The following RNLS variants were observed in gnomAD, a reference collection of about 807,000 sequenced individuals.
RNLS encodes renalase, FAD dependent amine oxidase.
Under a neutral mutation model 39.8 loss-of-function variants are expected in RNLS, and 39 were observed. The observed-to-expected ratio is 0.98, with a 90% CI of 0.76 to 1.28. The LOEUF is 1.28. RNLS is among the 50% of genes most tolerant of loss of function. The pLI is 0.00. For synonymous variants in RNLS, 147 were observed against 150.7 expected, an observed-to-expected ratio of 0.98 and a Z score of 0.18; for missense variants, 410 against 413.3, an observed-to-expected ratio of 0.99 and a Z score of 0.07.
chr10:88,582,406 A>G, intron 1 of RNLS, 99 bp from the exon 2 acceptor site: 1 of 879,818 alleles, frequency 1.1e-6, no homozygotes, highest in South Asian at 1.8e-5. Context: ...TACTTCAAAA[A>G]TATCTTAAGA....
At chr10:88,486,573 A>G (rs974616972) in intron 4 of RNLS, among the ~76,000 whole-genome samples, 2 of 152,212 alleles carry the variant, frequency 1.3e-5, no homozygotes, top group East Asian at 3.8e-4. Context: ...ACTTTTCAAA[A>G]GAAGACATAT....
chr10:88,181,351 A>G, the RNLS span, among the ~76,000 whole-genome samples: 1 of 152,096 alleles, frequency 6.6e-6, no homozygotes, highest in Non-Finnish European at 1.5e-5. Flanking sequence ...CCGCTATGGA[A>G]TGCAGCTCCC....
the RNLS span, among the ~76,000 whole-genome samples, chr10:88,205,783 GC>G: frequency 1.3e-5 from 2 of 152,128 alleles, no homozygotes; most frequent in East Asian, 1.9e-4. Flanking sequence ...GGAGGGATAA[GC>G]CATCCCTCTG....
the RNLS span, chr10:88,258,996 A>AT: frequency 2.0e-5 from 3 of 152,250 alleles, no homozygotes; most frequent in Non-Finnish European, 4.4e-5. Context: ...TTTCCCTCAC[A>AT]TTCACTTTGT....
chr10:88,381,833 GT>G (rs1036959323), intron 4 of RNLS, among the ~76,000 whole-genome samples: 1 of 151,912 alleles, frequency 6.6e-6, no homozygotes, highest in East Asian at 1.9e-4. Flanking sequence ...CCCCTGTCTG[GT>G]TTTTTTATAT....
the RNLS span, among the ~76,000 whole-genome samples, chr10:88,196,012 C>T: frequency 6.6e-6 from 1 of 152,110 alleles, no homozygotes; most frequent in Admixed American, 6.6e-5. Flanking sequence ...GTTAGGATGG[C>T]GTCTGTGTTT....
intron 4 of RNLS, among the ~76,000 whole-genome samples, chr10:88,495,776 A>G (rs558236033): frequency 1.3e-5 from 2 of 152,162 alleles, no homozygotes; most frequent in Non-Finnish European, 2.9e-5. Context: ...GCAAAGCCCA[A>G]GTGACAAGGA....
chr10:88,545,590 CTCCCAT>C (rs1480682999), intron 4 of RNLS: 8 of 402,238 alleles, frequency 2.0e-5, no homozygotes, highest in African/African-American at 1.6e-4. Flanking sequence ...CACTGGGTCC[CTCCCAT>C]GACACGTGGG....
the RNLS span, among the ~76,000 whole-genome samples, chr10:88,250,572 G>A: frequency 1.3e-5 from 2 of 152,210 alleles, no homozygotes; most frequent in African/African-American, 4.8e-5. Context: ...CAGTGAGTGA[G>A]AATGTGGCTC....
chr10:88,236,858 C>T, the RNLS span, among the ~76,000 whole-genome samples: 1 of 152,078 alleles, frequency 6.6e-6, no homozygotes, highest in African/African-American at 2.4e-5. Flanking sequence ...GTGATAAGTA[C>T]AAGCATCGAG....
At chr10:88,349,751 C>G (rs1848546989) in intron 5 of RNLS, among the ~76,000 whole-genome samples, 1 of 151,352 alleles carries the variant, frequency 6.6e-6, no homozygotes, top group African/African-American at 2.4e-5. Context: ...TACATATATA[C>G]ATTGTGTATA....
At chr10:88,497,970 T>A (rs1208798879) in intron 4 of RNLS, among the ~76,000 whole-genome samples, 4 of 151,030 alleles carry the variant, frequency 2.6e-5, no homozygotes, top group African/African-American at 2.4e-5. Context: ...AAAGTCCTAG[T>A]CAAGAGCATA....
chr10:88,286,516 C>T (rs1843283203), intron 6 of RNLS, among the ~76,000 whole-genome samples: 1 of 151,924 alleles, frequency 6.6e-6, no homozygotes, highest in African/African-American at 2.4e-5. Flanking sequence ...ACCAAAAACC[C>T]TCTAAAAAAC....
chr10:88,313,990 C>A (rs1183081754), intron 6 of RNLS, among the ~76,000 whole-genome samples: 1 of 152,158 alleles, frequency 6.6e-6, no homozygotes, highest in African/African-American at 2.4e-5. Flanking sequence ...CTCTCTCCCC[C>A]AGAGAGCTCA....
At chr10:88,257,282 C>A in the RNLS span, among the ~76,000 whole-genome samples, 5 of 152,152 alleles carry the variant, frequency 3.3e-5, no homozygotes, top group African/African-American at 7.2e-5. Flanking sequence ...GATTGTAAAA[C>A]AATTTTAGGA....
chr10:88,278,023 A>G (rs965439933), intron 6 of RNLS, among the ~76,000 whole-genome samples: 2 of 152,212 alleles, frequency 1.3e-5, no homozygotes, highest in Admixed American at 6.6e-5. Context: ...TGTTTCAACT[A>G]TTAACATTTC....
At chr10:88,239,890 G>A in the RNLS span, among the ~76,000 whole-genome samples, 9 of 152,224 alleles carry the variant, frequency 5.9e-5, no homozygotes, top group African/African-American at 2.2e-4. Context: ...AATTCTGGTA[G>A]CTGCTAGCTG....
intron 4 of RNLS, among the ~76,000 whole-genome samples, chr10:88,501,540 T>C (rs935298118): frequency 3.9e-5 from 6 of 152,144 alleles, no homozygotes; most frequent in African/African-American, 1.4e-4. Context: ...CCTGAACAGA[T>C]TGGAAAAATT....
At chr10:88,218,119 TG>T in the RNLS span, among the ~76,000 whole-genome samples, 1 of 152,198 alleles carries the variant, frequency 6.6e-6, no homozygotes, top group South Asian at 2.1e-4. Flanking sequence ...CCCAGAAAGC[TG>T]GGCTCCTGGG....
Sources: allele counts gnomAD v4.1 joint callset (sites outside exome capture counted in the v4.1 genomes callset), GRCh38; gene constraint gnomAD v4.1.1; transcripts MANE v1.5; gene names NCBI Gene and HGNC (gene_info 2026-07-23, HGNC 2026-07-21).